Variants in SEMA3B observed in about 807,000 individuals in gnomAD.
The protein encoded by SEMA3B is semaphorin 3B.
In SEMA3B, 71 loss-of-function variants were observed where a neutral mutation model predicts 77.8. The ratio of observed to expected loss-of-function variants is 0.91; its 90% CI spans 0.75 to 1.11. The LOEUF (loss-of-function observed/expected upper bound fraction) is 1.11, where lower values mean the gene tolerates loss of function less well. Ranked by LOEUF, SEMA3B falls within the 50% of genes most tolerant of loss-of-function variation. SEMA3B has a pLI of 0.00. For synonymous variants in SEMA3B, 470 were observed against 452.9 expected, an observed-to-expected ratio of 1.04 and a Z score of -0.48; for missense variants, 968 against 1,056.8, an observed-to-expected ratio of 0.92 and a Z score of 1.17.
chr3:50,273,453 C>T lies in SEMA3B; in HGVS notation c.810+10C>T. Reference sequence around the variant, plus strand: ...TGGCCAGATCTGCCGGGTGAGGAGTCCCTGGGCCACACCCGGCGACCCTGC... The same window carrying T: ...TGGCCAGATCTGCCGGGTGAGGAGTTCCTGGGCCACACCCGGCGACCCTGC... On this transcript the variant is annotated intron_variant, in intron 7 of 16. Coordinates refer to ENST00000616701, the MANE Select transcript of SEMA3B (RefSeq NM_001290060.2). The surrounding 1 kb of genome is among the most constrained non-coding windows in gnomAD (Gnocchi z 6.5). 1 of 1,612,364 alleles carries T rather than the reference C, an allele frequency of 6.2e-7. No individual in the cohort carries two copies. The highest frequency in any genetic ancestry group is 8.5e-7 in the Non-Finnish European group (1 of 1,178,918).
upstream of SEMA3B, among the ~76,000 whole-genome samples, chr3:50,265,083 G>A (rs1700875041): frequency 6.6e-6 from 1 of 152,326 alleles, no homozygotes; most frequent in East Asian, 1.9e-4. Flanking sequence ...GTGGGCCAGG[G>A]TTCCCTGGGA....
At position 50,270,402 on chromosome 3, in the gene SEMA3B, C is replaced by T; in HGVS notation, c.268-31C>T. ...GTAGAGAATATCCCAAGTTCCTGAC[C>T]TGTGTCCCCTCTCCCCCAACCTCCC... On this transcript the variant is annotated intron_variant, in intron 2 of 16. Transcript: ENST00000616701. This position sits in a 1 kb window ranked among gnomAD's most constrained non-coding sequence, Gnocchi z 4.7. The T allele has an allele frequency of 6.2e-7, 1 of 1,613,694 alleles. No homozygotes were observed. The highest frequency in any genetic ancestry group is 1.7e-4 in the Middle Eastern group (1 of 6,060).
chr3:50,274,000 GC>G lies in SEMA3B; in HGVS notation c.1083del (p.Met362CysfsTer97). The G allele has an allele frequency of 9.3e-6, 15 of 1,613,854 alleles. No individual in the cohort carries two copies. Among genetic ancestry groups the G allele is most frequent in the Non-Finnish European group, 1.3e-5 (15 of 1,179,828 alleles). Reference protein sequence around the residue: ...FLGPFAHKEGPMHQWVSYQGR... With the variant: ...FLGPFAHKEGXMHQWVSYQGR... The stretch of plus-strand genomic sequence containing the variant: ...TGGGACCCTTTGCACACAAGGAGGG[GC>G]CCATGCACCAGTGGGTGTCATACCA... On this transcript the variant is annotated frameshift_variant, in exon 10 of 17. Coordinates refer to ENST00000616701, the MANE Select transcript of SEMA3B (RefSeq NM_001290060.2). LOFTEE classifies it high-confidence loss of function. The surrounding 1 kb of genome is among the most constrained non-coding windows in gnomAD (Gnocchi z 6.5).
At position 50,272,879 on chromosome 3, in the gene SEMA3B, T is replaced by TAATAATAATAATAATAAAAAA. The variant is rs797032591; in HGVS notation, c.665-417_665-416insTAATAATAATAATAAAAAAAA. The stretch of plus-strand genomic sequence containing the variant: ...CAAATAATAATAATAATAATAATAA[T>TAATAATAATAATAATAAAAAA]AAAGAGCAATGGGACCCAGCAGAAG... On this transcript the variant is annotated intron_variant, in intron 6 of 16. Transcript: ENST00000616701. 1.5e-4 allele frequency among the ~76,000 whole-genome samples: 22 copies of TAATAATAATAATAATAAAAAA among 150,070 alleles called. No individual in the cohort carries two copies. In the East Asian group the frequency reaches 2.0e-3, roughly 14 times the overall value.
In SEMA3B at chr3:50,275,698, C is replaced by T; in HGVS notation, c.1706-7C>T. ...TTGCCTAAATCTGACTTTCTTCTCG[C>T]CCCAAGACTCGTCTCGTCCCGCGCT... is the stretch of plus-strand genomic sequence containing the variant. On this transcript the variant is annotated splice_region_variant and splice_polypyrimidine_tract_variant and intron_variant, in intron 15 of 16. Transcript: ENST00000616701. This position sits in a 1 kb window ranked among gnomAD's most constrained non-coding sequence, Gnocchi z 7.5. 6.2e-7 allele frequency: 1 copy of T among 1,612,514 alleles called. No homozygotes were observed. The highest frequency in any genetic ancestry group is 8.5e-7 in the Non-Finnish European group (1 of 1,178,914).
intron 6 of SEMA3B, 137 bp downstream of exon 6, chr3:50,271,617 C>A: frequency 7.8e-7 from 1 of 1,274,070 alleles, no homozygotes; most frequent in Non-Finnish European, 1.1e-6. Flanking sequence ...GCACTGGCGT[C>A]ACAGAGACAG....
chr3:50,263,886 A>G (rs1331746243), upstream of SEMA3B, among the ~76,000 whole-genome samples: 3 of 152,002 alleles, frequency 2.0e-5, no homozygotes, highest in Non-Finnish European at 4.4e-5. Flanking sequence ...CCCTGGGGTC[A>G]GAGGGTTGAG....
Position 50,274,777 on chromosome 3 carries a change from G to T in SEMA3B, c.1358-66G>T, listed in dbSNP as rs977037704. On this transcript the variant is annotated intron_variant, in intron 11 of 16. Coordinates refer to ENST00000616701, the MANE Select transcript of SEMA3B (RefSeq NM_001290060.2). The surrounding 1 kb of genome is among the most constrained non-coding windows in gnomAD (Gnocchi z 4.7). Reference sequence around the variant, plus strand: ...CATGCTGAGGGTAGACGCCTCAAAGGCGAGGAGACACTAGCCCCAGCTGTC... The same window carrying T: ...CATGCTGAGGGTAGACGCCTCAAAGTCGAGGAGACACTAGCCCCAGCTGTC... 9.7e-6 allele frequency: 15 copies of T among 1,551,970 alleles called. No individual in the cohort carries two copies. The African/African-American group carries it at 1.6e-4, about 17-fold the overall frequency.
chr3:50,274,992 T>A lies in SEMA3B; in HGVS notation c.1450-20T>A. ...CCCACCCCACTAAGCCCTGACCCCG[T>A]CGCCCCTCCTCCCTCTCAGGACTCG... On this transcript the variant is annotated intron_variant, in intron 12 of 16. Transcript: ENST00000616701. This position sits in a 1 kb window ranked among gnomAD's most constrained non-coding sequence, Gnocchi z 4.7. 6.3e-7 allele frequency: 1 copy of A among 1,581,810 alleles called. No individual in the cohort carries two copies. The highest frequency in any genetic ancestry group is 8.6e-7 in the Non-Finnish European group (1 of 1,159,380).
chr3:50,271,214 C>T (rs1448206033), intron 5 of SEMA3B, 33 bp downstream of exon 5: 12 of 1,552,264 alleles, frequency 7.7e-6, no homozygotes, highest in Non-Finnish European at 1.0e-5. Context: ...CAAGAGAACC[C>T]CTTAGAAACT....
In SEMA3B at chr3:50,274,852, C is replaced by CA; in HGVS notation, c.1367_1368insA (p.Val457GlyfsTer12). On this transcript the variant is annotated frameshift_variant, in exon 12 of 17. Transcript: ENST00000616701. LOFTEE classifies it high-confidence loss of function. This position sits in a 1 kb window ranked among gnomAD's most constrained non-coding sequence, Gnocchi z 4.7. ...CTTCTCATCCCTGCAGACGTTGGCACGGTGCTGAAGGTGATCTCGGTCCCC... is the reference window on the plus strand; with the variant it reads ...CTTCTCATCCCTGCAGACGTTGGCACAGGTGCTGAAGGTGATCTCGGTCCCC... 6.2e-7 allele frequency: 1 copy of CA among 1,610,984 alleles called. No homozygotes were observed. The highest frequency in any genetic ancestry group is 8.5e-7 in the Non-Finnish European group (1 of 1,179,730).
Position 50,275,781 on chromosome 3 carries a change from C to T in SEMA3B, c.1782C>T (p.Pro594=). 6.2e-7 allele frequency: 1 copy of T among 1,612,682 alleles called. No individual in the cohort carries two copies. The highest frequency in any genetic ancestry group is 8.5e-7 in the Non-Finnish European group (1 of 1,179,810). ...GCAGCGCCTTTCTGGAGTGTGAGCCCCGCTCGCTGCAGGCGCGCGTGGAGT... is the reference window on the plus strand; with the variant it reads ...GCAGCGCCTTTCTGGAGTGTGAGCCTCGCTCGCTGCAGGCGCGCGTGGAGT... ...EGSSAFLECE[P]RSLQARVEWT... Residue 594 remains proline, a synonymous_variant, in exon 16 of 17, where the codon CCC becomes CCT. Transcript: ENST00000616701. This position sits in a 1 kb window ranked among gnomAD's most constrained non-coding sequence, Gnocchi z 7.5.
At position 50,276,806 on chromosome 3, in the gene SEMA3B, G is replaced by T; in HGVS notation, c.*100G>T. 7.5e-7 allele frequency: 1 copy of T among 1,341,506 alleles called. No homozygotes were observed. Among genetic ancestry groups the T allele is most frequent in the Non-Finnish European group, 9.7e-7 (1 of 1,033,710 alleles). 83.1% of individuals were successfully genotyped at this position (1,341,506 alleles called of 1,614,324 possible). A position where few individuals can be genotyped will look rare whatever the true frequency, so the allele number is the denominator to read the frequency against. On this transcript the variant is annotated 3_prime_UTR_variant, in exon 17 of 17. Coordinates refer to ENST00000616701, the MANE Select transcript of SEMA3B (RefSeq NM_001290060.2). The surrounding 1 kb of genome is among the most constrained non-coding windows in gnomAD (Gnocchi z 5.8). ...GGACGGGTTGGGGCCGGGCACATTG[G>T]GGGTCACCGGCCGATGGAGACACCA...
chr3:50,268,561 C>T (rs587701318), upstream of SEMA3B, among the ~76,000 whole-genome samples: 6 of 152,372 alleles, frequency 3.9e-5, no homozygotes, highest in East Asian at 1.2e-3. Flanking sequence ...GATGTGCACA[C>T]ACATGCACAT....
Position 50,274,761 on chromosome 3 carries a change from G to T in SEMA3B, c.1358-82G>T. ...CTCTTCACAACCCAAACATGCTGAG[G>T]GTAGACGCCTCAAAGGCGAGGAGAC... On this transcript the variant is annotated intron_variant, in intron 11 of 16. Transcript: ENST00000616701. This position sits in a 1 kb window ranked among gnomAD's most constrained non-coding sequence, Gnocchi z 4.7. The T allele has an allele frequency of 6.7e-7, 1 of 1,500,840 alleles. No individual in the cohort carries two copies. 93.0% of individuals were successfully genotyped at this position (1,500,840 alleles called of 1,614,324 possible). A position where few individuals can be genotyped will look rare whatever the true frequency, so the allele number is the denominator to read the frequency against.
In SEMA3B at chr3:50,270,438, C is replaced by G; in HGVS notation, c.273C>G (p.Ala91=). Residue 91 remains alanine, a synonymous_variant, in exon 3 of 17, where the codon GCC becomes GCG. Coordinates refer to ENST00000616701, the MANE Select transcript of SEMA3B (RefSeq NM_001290060.2). This position sits in a 1 kb window ranked among gnomAD's most constrained non-coding sequence, Gnocchi z 4.7. ...CTCCCCCAACCTCCCGATAGCTGGC[C>G]TGGCCGGCCCCTGTGGAATGGCGAG... The part of the protein sequence containing the change: ...DNISKRAKKL[A]WPAPVEWREE... The G allele has an allele frequency of 6.2e-7, 1 of 1,613,758 alleles. No individual in the cohort carries two copies. The highest frequency in any genetic ancestry group is 1.1e-5 in the South Asian group (1 of 91,080).
rs782516986 is a variant in SEMA3B at position 50,274,477 on chromosome 3, C to T, written c.1252C>T (p.Arg418Cys). The T allele has an allele frequency of 1.9e-6, 3 of 1,550,554 alleles. No individual in the cohort carries two copies. Among genetic ancestry groups the T allele is most frequent in the East Asian group, 2.3e-5 (1 of 43,804 alleles). The stretch of plus-strand genomic sequence containing the variant: ...CAACTCTGTCCTGCCCACTGGGGGG[C>T]GCCCTCTTTTCCTACAAGTTGGAGC... Reference protein sequence around the residue: ...MYNSVLPTGGRPLFLQVGANY... With the variant: ...MYNSVLPTGGCPLFLQVGANY... The change falls in exon 11 of 17, where the codon CGC becomes TGC. Residue 418 changes from arginine to cysteine, a missense_variant. Physicochemically the swap from Arg to Cys is radical, Grantham distance 180 (BLOSUM62 -3). Coordinates refer to ENST00000616701, the MANE Select transcript of SEMA3B (RefSeq NM_001290060.2). The surrounding 1 kb of genome is among the most constrained non-coding windows in gnomAD (Gnocchi z 4.7).
chr3:50,276,712 CTG>C lies in SEMA3B; in HGVS notation c.*8_*9del, dbSNP rs782233047. 7 of 1,497,544 alleles carry C rather than the reference CTG, an allele frequency of 4.7e-6. No individual in the cohort carries two copies. The highest frequency in any genetic ancestry group is 5.3e-6 in the Non-Finnish European group (6 of 1,132,156). 92.8% of individuals were successfully genotyped at this position (1,497,544 alleles called of 1,614,324 possible). A position where few individuals can be genotyped will look rare whatever the true frequency, so the allele number is the denominator to read the frequency against. ...GCAGCGCAACGCACTGGTGACCAGA[CTG>C]TCCCCACGCCGGGAACCAAGCAGGA... On this transcript the variant is annotated 3_prime_UTR_variant, in exon 17 of 17. Coordinates refer to ENST00000616701, the MANE Select transcript of SEMA3B (RefSeq NM_001290060.2). The surrounding 1 kb of genome is among the most constrained non-coding windows in gnomAD (Gnocchi z 5.8).
At chr3:50,265,914 G>T (rs1700888085), upstream of SEMA3B, among the ~76,000 whole-genome samples, 3 of 152,182 alleles carry the variant, frequency 2.0e-5, no homozygotes, top group South Asian at 6.2e-4. Flanking sequence ...TCAAGGGAGG[G>T]TACACATCTA....
Sources: allele counts gnomAD v4.1 joint callset (sites outside exome capture counted in the v4.1 genomes callset), GRCh38; gene constraint gnomAD v4.1.1; non-coding constraint Gnocchi (gnomAD v3.1); transcripts MANE v1.5; gene names NCBI Gene and HGNC (gene_info 2026-07-23, HGNC 2026-07-21).